Variants in XIRP2 observed in about 807,000 individuals in gnomAD.
The protein encoded by XIRP2 is xin actin binding repeat containing 2.
A neutral mutation model predicts 277.0 loss-of-function variants in XIRP2; 236 were observed. The ratio of observed to expected loss-of-function variants is 0.85; its 90% CI spans 0.77 to 0.95. XIRP2 has a LOEUF of 0.95. Among genes scored for constraint, XIRP2 ranks in the 40% least tolerant of loss-of-function variants. The probability of loss-of-function intolerance (pLI) is 0.00; values close to 1 mark genes in which losing one functional copy is unlikely to be tolerated. For synonymous variants in XIRP2, 1,490 were observed against 1,416.5 expected, an observed-to-expected ratio of 1.05 and a Z score of -1.17; for missense variants, 4,640 against 4,157.5, an observed-to-expected ratio of 1.12 and a Z score of -3.19.
intron 2 of XIRP2, among the ~76,000 whole-genome samples, chr2:166,935,790 AT>A (rs1162465956): frequency 6.6e-6 from 1 of 152,160 alleles, no homozygotes; most frequent in African/African-American, 2.4e-5. Flanking sequence ...TATGTGCCAC[AT>A]TTTATTAATC....
chr2:167,204,365 C>T (rs935873475), intron 3 of XIRP2, among the ~76,000 whole-genome samples: 5 of 152,158 alleles, frequency 3.3e-5, no homozygotes, highest in African/African-American at 1.2e-4. Flanking sequence ...TTTGGCTTTT[C>T]CTTCATTTAT....
At chr2:167,095,180 G>T (rs1690265332) in intron 2 of XIRP2, among the ~76,000 whole-genome samples, 1 of 152,162 alleles carries the variant, frequency 6.6e-6, no homozygotes, top group African/African-American at 2.4e-5. Context: ...CTGAGACTTT[G>T]CTGAAGCTGC....
At chr2:167,057,259 A>T (rs1157441256) in intron 2 of XIRP2, among the ~76,000 whole-genome samples, 1 of 152,178 alleles carries the variant, frequency 6.6e-6, no homozygotes, top group Non-Finnish European at 1.5e-5. Context: ...ACACTCTGAC[A>T]TTCCAAACCA....
At chr2:166,941,428 G>A (rs1468856591) in intron 2 of XIRP2, among the ~76,000 whole-genome samples, 4 of 152,252 alleles carry the variant, frequency 2.6e-5, no homozygotes, top group Admixed American at 6.5e-5. Context: ...TTTGGCTCAC[G>A]CTCAGTGGGC....
At chr2:167,209,657 A>G (rs7597463) in intron 3 of XIRP2, among the ~76,000 whole-genome samples, 1 of 151,600 alleles carries the variant, frequency 6.6e-6, no homozygotes, top group Non-Finnish European at 1.5e-5. Context: ...CATACCTATA[A>G]CATGCCCTTG....
At chr2:167,214,456 G>A (rs1333948961) in intron 4 of XIRP2, among the ~76,000 whole-genome samples, 3 of 144,372 alleles carry the variant, frequency 2.1e-5, no homozygotes, top group African/African-American at 7.9e-5. Context: ...CAGCCCGGAC[G>A]GCTGAGTGAG....
intron 2 of XIRP2, among the ~76,000 whole-genome samples, chr2:167,024,692 T>C (rs1688098291): frequency 6.6e-6 from 1 of 152,154 alleles, no homozygotes; most frequent in African/African-American, 2.4e-5. Flanking sequence ...AAAGGCCTTT[T>C]CTGCATCTAT....
At chr2:166,952,653 A>C (rs1380604023) in intron 2 of XIRP2, among the ~76,000 whole-genome samples, 1 of 152,030 alleles carries the variant, frequency 6.6e-6, no homozygotes, top group Non-Finnish European at 1.5e-5. Flanking sequence ...GTAGTTTCTT[A>C]CTATAACAAC....
At chr2:167,054,027 A>C (rs564547828) in intron 2 of XIRP2, among the ~76,000 whole-genome samples, 6 of 152,320 alleles carry the variant, frequency 3.9e-5, no homozygotes, top group African/African-American at 1.4e-4. Flanking sequence ...ACATTAGGAA[A>C]TTTTAACATA....
At chr2:166,903,426 C>T (rs1285082811) in intron 1 of XIRP2, 39 bp from the exon 2 acceptor site, 1 of 1,550,576 alleles carries the variant, frequency 6.4e-7, no homozygotes. Context: ...ACTCAGACTC[C>T]TGAGTGTATC....
chr2:166,971,806 CA>C (rs1686584726), intron 2 of XIRP2, among the ~76,000 whole-genome samples: 1 of 152,116 alleles, frequency 6.6e-6, no homozygotes, highest in East Asian at 1.9e-4. Flanking sequence ...GATATTTGAA[CA>C]ACATGAAAAT....
intron 2 of XIRP2, among the ~76,000 whole-genome samples, chr2:167,026,502 G>A (rs1280432527): frequency 6.6e-6 from 1 of 152,118 alleles, no homozygotes; most frequent in Non-Finnish European, 1.5e-5. Context: ...GTCATTTGAT[G>A]TTAGCTGGTT....
At chr2:167,187,407 C>T (rs1028299414) in intron 3 of XIRP2, 1 of 985,342 alleles carries the variant, frequency 1.0e-6, no homozygotes, top group Non-Finnish European at 1.2e-6. Flanking sequence ...TCCACTGCAC[C>T]CATTGCTTTC....
chr2:167,243,141 T>A lies in XIRP2; in HGVS notation c.1749T>A (p.Asn583Lys), dbSNP rs1464883696. 4 of 1,614,114 alleles carry A rather than the reference T, an allele frequency of 2.5e-6. No individual in the cohort carries two copies. Among genetic ancestry groups the A allele is most frequent in the Non-Finnish European group, 3.4e-6 (4 of 1,179,986 alleles). Residue 583 changes from asparagine (N) to lysine (K), a missense_variant, in exon 9 of 11, where the codon AAT (asparagine) becomes AAA (lysine). Coordinates refer to ENST00000409195, the MANE Select transcript of XIRP2 (RefSeq NM_152381.6). ...AGTCCATTAGATGGATCTTTGAGAA[T>A]CAACCATTGGATTCCATCAACAATG... ...EVQSIRWIFE[N>K]QPLDSINNGS...
chr2:167,169,309 A>G (rs1379694284), intron 3 of XIRP2, among the ~76,000 whole-genome samples: 1 of 152,174 alleles, frequency 6.6e-6, no homozygotes, highest in Non-Finnish European at 1.5e-5. Flanking sequence ...CCTGAAGGCA[A>G]AACTTACAAA....
chr2:166,987,277 C>G (rs1309539573), intron 2 of XIRP2, among the ~76,000 whole-genome samples: 1 of 152,056 alleles, frequency 6.6e-6, no homozygotes, highest in Non-Finnish European at 1.5e-5. Context: ...TACATAAGGG[C>G]TGGGACTAGA....
intron 2 of XIRP2, among the ~76,000 whole-genome samples, chr2:166,952,802 C>G (rs1290849736): frequency 6.6e-6 from 1 of 151,690 alleles, no homozygotes; most frequent in African/African-American, 2.4e-5. Flanking sequence ...AGTGTTTCAA[C>G]AAATGAAATA....
intron 5 of XIRP2, among the ~76,000 whole-genome samples, chr2:167,228,672 C>T (rs997939636): frequency 1.3e-5 from 2 of 152,170 alleles, no homozygotes; most frequent in Non-Finnish European, 2.9e-5. Flanking sequence ...CAGTGGATAG[C>T]GCAAATATCC....
chr2:167,086,818 A>G (rs1689960085), intron 2 of XIRP2, among the ~76,000 whole-genome samples: 1 of 149,106 alleles, frequency 6.7e-6, no homozygotes, highest in African/African-American at 2.4e-5. Flanking sequence ...ACTTCTCTGT[A>G]TTGGTTATTC....
Sources: allele counts gnomAD v4.1 joint callset (sites outside exome capture counted in the v4.1 genomes callset), GRCh38; gene constraint gnomAD v4.1.1; transcripts MANE v1.5; gene names NCBI Gene and HGNC (gene_info 2026-07-23, HGNC 2026-07-21).